The following IMPG1 variants were observed in gnomAD, a reference collection of about 807,000 sequenced individuals.
IMPG1 encodes the protein interphotoreceptor matrix proteoglycan 1.
In IMPG1, 85 loss-of-function variants were observed where a neutral mutation model predicts 92.0. The observed-to-expected ratio is 0.92, with a 90% confidence interval of 0.78 to 1.11. The LOEUF (loss-of-function observed/expected upper bound fraction) is 1.11, where lower values mean the gene tolerates loss of function less well. Among genes scored for constraint, IMPG1 ranks in the 50% least tolerant of loss-of-function variants. The pLI is 0.00. For synonymous variants in IMPG1, 367 were observed against 334.1 expected, an observed-to-expected ratio of 1.10 and a Z score of -1.08; for missense variants, 1,022 against 956.0, an observed-to-expected ratio of 1.07 and a Z score of -0.91.
At chr6:75,981,998 A>G (rs1261212874) in intron 12 of IMPG1, among the ~76,000 whole-genome samples, 1 of 152,186 alleles carries the variant, frequency 6.6e-6, no homozygotes, top group African/African-American at 2.4e-5. Context: ...GGAACAGACA[A>G]TTCTATTTAA....
At chr6:76,060,431 T>A (rs1438813587) in intron 1 of IMPG1, among the ~76,000 whole-genome samples, 1 of 152,186 alleles carries the variant, frequency 6.6e-6, no homozygotes, top group African/African-American at 2.4e-5. Context: ...AGCATTTCCA[T>A]ATATGAATTC....
At chr6:75,940,309 C>A (rs966634671) in intron 14 of IMPG1, among the ~76,000 whole-genome samples, 2 of 152,192 alleles carry the variant, frequency 1.3e-5, no homozygotes, top group African/African-American at 4.8e-5. Flanking sequence ...TAGAGTCAAT[C>A]TATCTTGTCT....
At chr6:75,932,789 C>CTCCGGGCCTAGTCTACTAGCA (rs1781686315) in intron 14 of IMPG1, among the ~76,000 whole-genome samples, 1 of 152,074 alleles carries the variant, frequency 6.6e-6, no homozygotes, top group Non-Finnish European at 1.5e-5. Context: ...TAACCTCCGC[C>CTCCGGGCCTAGTCTACTAGCA]TCCCAGGTTC....
intron 1 of IMPG1, among the ~76,000 whole-genome samples, chr6:76,062,970 G>A (rs554354488): frequency 1.0e-3 from 153 of 151,944 alleles, no homozygotes; most frequent in Middle Eastern, 3.4e-3. Flanking sequence ...TTAGGAGGCC[G>A]AGGTGAGTGG....
intron 6 of IMPG1, among the ~76,000 whole-genome samples, chr6:76,020,493 C>T (rs1336241553): frequency 2.0e-5 from 3 of 152,188 alleles, no homozygotes; most frequent in African/African-American, 4.8e-5. Flanking sequence ...AACTTTGTGC[C>T]TTTGCCCTGA....
chr6:75,955,833 C>T (rs1782110559), intron 12 of IMPG1, among the ~76,000 whole-genome samples: 1 of 152,142 alleles, frequency 6.6e-6, no homozygotes, highest in African/African-American at 2.4e-5. Context: ...TTATTGAAGG[C>T]ATTTTCTGCA....
At chr6:76,009,241 T>C (rs1253464356) in intron 8 of IMPG1, among the ~76,000 whole-genome samples, 1 of 152,234 alleles carries the variant, frequency 6.6e-6, no homozygotes, top group African/African-American at 2.4e-5. Context: ...CCACCTTTGC[T>C]GAGAGATAAA....
chr6:76,065,726 G>A (rs1172280197), intron 1 of IMPG1, among the ~76,000 whole-genome samples: 1 of 152,000 alleles, frequency 6.6e-6, no homozygotes, highest in African/African-American at 2.4e-5. Context: ...GAGGCTCAGA[G>A]AACTCCAGAA....
Position 75,921,758 on chromosome 6 carries a change from C to T in IMPG1, c.*331G>A, listed in dbSNP as rs62414826. On this transcript the variant is annotated 3_prime_UTR_variant, in exon 17 of 17. Transcript: ENST00000369950. ...GTCCCTAAACAATAAGTAAGCTATG[C>T]TTGTTGCAAATGATCTGTGAGTAAA... 0.2 allele frequency: 46,635 copies of T among 233,190 alleles called. 5,521 individuals carry two copies. Among genetic ancestry groups the T allele is most frequent in the Non-Finnish European group, 0.27 (31,900 of 119,608 alleles). The allele number at this position is 233,190 out of a possible 1,614,324, so 14.4% of individuals were successfully genotyped here.
At chr6:76,029,974 G>T (rs1161736607) in intron 4 of IMPG1, among the ~76,000 whole-genome samples, 1 of 151,776 alleles carries the variant, frequency 6.6e-6, no homozygotes, top group African/African-American at 2.4e-5. Context: ...TTAGGTAAAA[G>T]CCCTAGGAAG....
intron 1 of IMPG1, among the ~76,000 whole-genome samples, chr6:76,059,367 A>T (rs1235613837): frequency 6.6e-6 from 1 of 151,986 alleles, no homozygotes; most frequent in Non-Finnish European, 1.5e-5. Flanking sequence ...ACTATCAATA[A>T]ACAACTCCAG....
intron 7 of IMPG1, among the ~76,000 whole-genome samples, chr6:76,011,719 A>G (rs901601192): frequency 9.9e-5 from 14 of 141,456 alleles, no homozygotes; most frequent in Admixed American, 4.9e-4. Flanking sequence ...ATATCTCCCA[A>G]TGCTATCCCT....
chr6:76,061,958 T>C (rs1329189340), intron 1 of IMPG1, among the ~76,000 whole-genome samples: 5 of 152,214 alleles, frequency 3.3e-5, no homozygotes, highest in African/African-American at 4.8e-5. Flanking sequence ...CTCACCTTTA[T>C]GTATCTGTGA....
chr6:76,052,809 A>T (rs1784064960), intron 1 of IMPG1, among the ~76,000 whole-genome samples: 1 of 152,236 alleles, frequency 6.6e-6, no homozygotes. Flanking sequence ...CACTTTGAAA[A>T]AAATGGTGAA....
chr6:75,990,588 T>TAC (rs112985372), intron 12 of IMPG1, among the ~76,000 whole-genome samples: 18,077 of 144,846 alleles, frequency 0.12, 1,286 homozygotes, highest in African/African-American at 0.21. Flanking sequence ...ACCCCACCTC[T>TAC]ACACACACAC....
rs753995954 is a variant in IMPG1 at position 75,931,006 on chromosome 6, A to C, written c.2190T>G (p.Cys730Trp). ...GSLDGLEPGL[C>W]GPGTKECEVL... ...CCTCGCATTCCTTTGTGCCAGGGCC[A>C]CAGAGGCCTGGTTCCAGACCGTCCA... Residue 730 changes from cysteine (C) to tryptophan (W), a missense_variant, in exon 15 of 17, where the codon TGT becomes TGG. Transcript: ENST00000369950. The C allele has an allele frequency of 3.1e-6, 5 of 1,614,126 alleles. No individual in the cohort carries two copies. The highest frequency in any genetic ancestry group is 1.7e-5 in the Admixed American group (1 of 60,008).
intron 4 of IMPG1, among the ~76,000 whole-genome samples, chr6:76,031,926 A>T (rs1247032274): frequency 6.6e-6 from 1 of 152,204 alleles, no homozygotes; most frequent in Non-Finnish European, 1.5e-5. Flanking sequence ...ATCACCGAGG[A>T]TCTGTAATTT....
intron 14 of IMPG1, among the ~76,000 whole-genome samples, chr6:75,933,038 C>T (rs1781689854): frequency 6.6e-6 from 1 of 152,106 alleles, no homozygotes; most frequent in Non-Finnish European, 1.5e-5. Flanking sequence ...AGCACATGTA[C>T]AAGACAAATT....
At chr6:76,052,044 A>T (rs928969961) in intron 1 of IMPG1, among the ~76,000 whole-genome samples, 2 of 152,184 alleles carry the variant, frequency 1.3e-5, no homozygotes, top group African/African-American at 4.8e-5. Context: ...AGTTACAAAC[A>T]TAGGCACTTC....
Sources: allele counts gnomAD v4.1 joint callset (sites outside exome capture counted in the v4.1 genomes callset), GRCh38; gene constraint gnomAD v4.1.1; transcripts MANE v1.5; gene names NCBI Gene and HGNC (gene_info 2026-07-23, HGNC 2026-07-21).